PHACTR2: variants seen among roughly 807,000 people sequenced by gnomAD.
PHACTR2 encodes phosphatase and actin regulator 2, also known as chromosome 6 open reading frame 56.
Under a neutral mutation model 76.0 loss-of-function variants are expected in PHACTR2, and 30 were observed. The observed-to-expected ratio is 0.39, with a 90% CI of 0.30 to 0.54. PHACTR2 has a LOEUF of 0.54. PHACTR2 is among the 20% of genes least tolerant of loss of function. The pLI is 0.61. For synonymous variants in PHACTR2, 292 were observed against 292.5 expected (o/e 1.00, Z 0.02); for missense variants, 696 against 781.1 (o/e 0.89, Z 1.30).
intron 1 of PHACTR2, among the ~76,000 whole-genome samples, chr6:143,573,516 A>G (rs966864322): frequency 6.6e-6 from 1 of 152,226 alleles, no homozygotes; most frequent in Admixed American, 6.5e-5. Flanking sequence ...GATGCAATTA[A>G]GCCTGAGGCC....
At chr6:143,606,385 G>A (rs183278019), upstream of PHACTR2, among the ~76,000 whole-genome samples, 468 of 151,914 alleles carry the variant, frequency 3.1e-3, 2 homozygotes, top group African/African-American at 0.01. Context: ...AGTATTTATG[G>A]AAAAAAAAGT....
intron 12 of PHACTR2, among the ~76,000 whole-genome samples, chr6:143,808,997 C>T (rs1243765556): frequency 2.6e-5 from 4 of 152,154 alleles, no homozygotes; most frequent in African/African-American, 9.7e-5. Context: ...CTGGCTGGGG[C>T]CTCCGGGCAA....
intron 1 of PHACTR2, among the ~76,000 whole-genome samples, chr6:143,560,247 T>C (rs528509604): frequency 9.8e-5 from 15 of 152,356 alleles, no homozygotes; most frequent in Admixed American, 9.1e-4. Context: ...AGAAAGGATT[T>C]TGAAGAAAAG....
At position 143,546,866 on chromosome 6, in the gene PHACTR2, A is replaced by T. The variant is rs909682589; in HGVS notation, c.217+9659A>T. On this transcript the variant is annotated intron_variant, in intron 1 of 11. Transcript: ENST00000367584. This position sits in a 1 kb window ranked among gnomAD's most constrained non-coding sequence, Gnocchi z 4.9. Reference sequence around the variant, plus strand: ...CATAGTGAGACCCCATCTCAAAAAAAAAAAAAATAAAAAATAAAAAATTAG... The same window carrying T: ...CATAGTGAGACCCCATCTCAAAAAATAAAAAAATAAAAAATAAAAAATTAG... Among the ~76,000 whole-genome samples, 68 of 149,632 alleles carry T rather than the reference A, an allele frequency of 4.5e-4. No homozygotes were observed. The highest frequency in any genetic ancestry group is 1.5e-3 in the African/African-American group (61 of 40,520).
chr6:143,538,060 C>T lies in PHACTR2; in HGVS notation c.217+853C>T, dbSNP rs572609514. Among the ~76,000 whole-genome samples the T allele has an allele frequency of 5.3e-4, 81 of 152,278 alleles. 2 individuals carry two copies. In the South Asian group the frequency reaches 0.015, roughly 29 times the overall value. ...GGGAGGCAGAGGTTGCACCACTGCA[C>T]TCCAGCCTGAATGAAAAAGTGAGAC... is the stretch of plus-strand genomic sequence containing the variant. On this transcript the variant is annotated intron_variant, in intron 1 of 11. Coordinates refer to the PHACTR2 transcript ENST00000367584.
At chr6:143,667,343 A>G (rs1376218754) in intron 1 of PHACTR2, among the ~76,000 whole-genome samples, 1 of 152,096 alleles carries the variant, frequency 6.6e-6, no homozygotes, top group Non-Finnish European at 1.5e-5. Flanking sequence ...TTTGCTTAGG[A>G]TTGTCTTGGC....
Position 143,751,703 on chromosome 6 carries a change from G to A in PHACTR2, c.296-2051G>A, listed in dbSNP as rs1037020524. Among the ~76,000 whole-genome samples the A allele has an allele frequency of 1.3e-5, 2 of 151,190 alleles. No homozygotes were observed. The highest frequency in any genetic ancestry group is 6.6e-5 in the Admixed American group (1 of 15,122). ...TGAGTTTTCTCTTTCCTTTGCTCTC[G>A]TGAGATGTGTTGACTTGGGCCGCTT... is the stretch of plus-strand genomic sequence containing the variant. On this transcript the variant is annotated intron_variant, in intron 3 of 12. Transcript: ENST00000440869. The surrounding 1 kb of genome is among the most constrained non-coding windows in gnomAD (Gnocchi z 5.7).
In PHACTR2 at chr6:143,654,191, A is replaced by G. The variant is rs887599616; in HGVS notation, c.13+45869A>G. Among the ~76,000 whole-genome samples the G allele has an allele frequency of 6.6e-6, 1 of 152,224 alleles. No homozygotes were observed. Among genetic ancestry groups the G allele is most frequent in the African/African-American group, 2.4e-5 (1 of 41,464 alleles). On this transcript the variant is annotated intron_variant, in intron 1 of 11. Coordinates refer to the PHACTR2 transcript ENST00000305766. This position sits in a 1 kb window ranked among gnomAD's most constrained non-coding sequence, Gnocchi z 4.6. ...TATACCCATGGGAATGTCTATAATC[A>G]GAAAGACAGGTAATAACAAGTGTTT... is the stretch of plus-strand genomic sequence containing the variant.
chr6:143,652,413 T>C lies in PHACTR2; in HGVS notation c.13+44091T>C, dbSNP rs1284858105. On this transcript the variant is annotated intron_variant, in intron 1 of 11. Coordinates refer to the PHACTR2 transcript ENST00000305766. The surrounding 1 kb of genome is among the most constrained non-coding windows in gnomAD (Gnocchi z 4.5). ...TGCTGTTTGTTTGTTTGTTTGTTTG[T>C]TTGTTTTTCCCTGTATCTGCTGGAA... Among the ~76,000 whole-genome samples, 1 of 152,186 alleles carries C rather than the reference T, an allele frequency of 6.6e-6. No individual in the cohort carries two copies. Among genetic ancestry groups the C allele is most frequent in the Non-Finnish European group, 1.5e-5 (1 of 68,036 alleles).
intron 1 of PHACTR2, among the ~76,000 whole-genome samples, chr6:143,631,360 T>TA (rs1421472107): frequency 2.0e-5 from 3 of 151,818 alleles, no homozygotes; most frequent in African/African-American, 7.3e-5. Flanking sequence ...CTGGCTAATT[T>TA]AAAAAAAATT....
chr6:143,792,686 A>C (rs1474056429), intron 11 of PHACTR2, among the ~76,000 whole-genome samples: 2 of 152,118 alleles, frequency 1.3e-5, no homozygotes, highest in Non-Finnish European at 2.9e-5. Flanking sequence ...CCTCTCTAAC[A>C]TGTCTGGTGT....
Position 143,679,925 on chromosome 6 carries a change from C to A in PHACTR2, c.46+1716C>A, listed in dbSNP as rs1348623901. ...ACGGAACGGTGTTATACTTAAATTG[C>A]AGGTCCTCAGTTTTGCGGATTAAAA... On this transcript the variant is annotated intron_variant, in intron 1 of 12. Transcript: ENST00000440869. This position sits in a 1 kb window ranked among gnomAD's most constrained non-coding sequence, Gnocchi z 4.6. 6.6e-6 allele frequency among the ~76,000 whole-genome samples: 1 copy of A among 152,078 alleles called. No individual in the cohort carries two copies. The highest frequency in any genetic ancestry group is 1.5e-5 in the Non-Finnish European group (1 of 68,014).
chr6:143,600,261 C>T (rs1213883297), intron 1 of PHACTR2, among the ~76,000 whole-genome samples: 1 of 152,196 alleles, frequency 6.6e-6, no homozygotes, highest in Non-Finnish European at 1.5e-5. Flanking sequence ...ACCAGTTTTT[C>T]CCTTTGTTTG....
chr6:143,570,494 C>A lies in PHACTR2; in HGVS notation c.217+33287C>A, dbSNP rs541577821. Among the ~76,000 whole-genome samples, 1 of 152,302 alleles carries A rather than the reference C, an allele frequency of 6.6e-6. No homozygotes were observed. Among genetic ancestry groups the A allele is most frequent in the South Asian group, 2.1e-4 (1 of 4,826 alleles). On this transcript the variant is annotated intron_variant, in intron 1 of 11. Coordinates refer to the PHACTR2 transcript ENST00000367584. The surrounding 1 kb of genome is among the most constrained non-coding windows in gnomAD (Gnocchi z 4.6). ...GGTGACATCGACTGCATTTCAAATACAGCCATGAAAATGTTCTATCAATAG... is the reference window on the plus strand; with the variant it reads ...GGTGACATCGACTGCATTTCAAATAAAGCCATGAAAATGTTCTATCAATAG...
intron 1 of PHACTR2, among the ~76,000 whole-genome samples, chr6:143,650,929 T>C (rs917873148): frequency 3.4e-4 from 51 of 151,976 alleles, no homozygotes; most frequent in African/African-American, 1.2e-3. Context: ...TTGCAATCTA[T>C]CCATCTGACA....
In PHACTR2 at chr6:143,656,917, A is replaced by C. The variant is rs1228645158; in HGVS notation, c.13+48595A>C. ...AAAATTTAAATATTATGAATGTTGA[A>C]TGGCCAACCATAAGTTCAACTTGAA... is the stretch of plus-strand genomic sequence containing the variant. On this transcript the variant is annotated intron_variant, in intron 1 of 11. Coordinates refer to the PHACTR2 transcript ENST00000305766. This position sits in a 1 kb window ranked among gnomAD's most constrained non-coding sequence, Gnocchi z 5.3. Among the ~76,000 whole-genome samples the C allele has an allele frequency of 3.9e-5, 6 of 152,200 alleles. No homozygotes were observed. The highest frequency in any genetic ancestry group is 8.8e-5 in the Non-Finnish European group (6 of 68,032).
rs902357706 is a variant in PHACTR2, at chr6:143,678,364, T to C, written c.46+155T>C. On this transcript the variant is annotated intron_variant, in intron 1 of 12. Transcript: ENST00000440869. The surrounding 1 kb of genome is among the most constrained non-coding windows in gnomAD (Gnocchi z 6.2). ...CAGAGGTAGCGCTCGCCAAACTCTT[T>C]GTCGTGAAAGAGGAATGCCTTTTGG... Among the ~76,000 whole-genome samples, 3 of 152,162 alleles carry C rather than the reference T, an allele frequency of 2.0e-5. No individual in the cohort carries two copies. Among genetic ancestry groups the C allele is most frequent in the Admixed American group, 2.0e-4 (3 of 15,288 alleles).
At position 143,801,659 on chromosome 6, in the gene PHACTR2, G is replaced by A. The variant is rs563089996; in HGVS notation, c.1846-5398G>A. ...GGATTAGATCATGCTCCTTTAGCTCGGAGAAGTTTGTTATTACTGACCTTC... is the reference window on the plus strand; with the variant it reads ...GGATTAGATCATGCTCCTTTAGCTCAGAGAAGTTTGTTATTACTGACCTTC... On this transcript the variant is annotated intron_variant, in intron 11 of 12. Transcript: ENST00000440869. This position sits in a 1 kb window ranked among gnomAD's most constrained non-coding sequence, Gnocchi z 4.6. Among the ~76,000 whole-genome samples, 14 of 152,078 alleles carry A rather than the reference G, an allele frequency of 9.2e-5. No individual in the cohort carries two copies. Among genetic ancestry groups the A allele is most frequent in the East Asian group, 3.9e-4 (2 of 5,168 alleles).
In PHACTR2 at chr6:143,722,475, T is replaced by A. The variant is rs1778465039; in HGVS notation, c.214+10292T>A. Among the ~76,000 whole-genome samples, 2 of 152,180 alleles carry A rather than the reference T, an allele frequency of 1.3e-5. No individual in the cohort carries two copies. The highest frequency in any genetic ancestry group is 4.8e-5 in the African/African-American group (2 of 41,458). ...TTGGCATGTCATTTTTTTCTTAAAT[T>A]TTTTTATTTTTAATGAATGCATAAT... is the stretch of plus-strand genomic sequence containing the variant. On this transcript the variant is annotated intron_variant, in intron 2 of 12. Coordinates refer to ENST00000440869, the MANE Select transcript of PHACTR2 (RefSeq NM_001100164.2). This position sits in a 1 kb window ranked among gnomAD's most constrained non-coding sequence, Gnocchi z 4.1.
Sources: allele counts gnomAD v4.1 joint callset (sites outside exome capture counted in the v4.1 genomes callset), GRCh38; gene constraint gnomAD v4.1.1; non-coding constraint Gnocchi (gnomAD v3.1); transcripts MANE v1.5; gene names NCBI Gene and HGNC (gene_info 2026-07-23, HGNC 2026-07-21).